Variants in GAS2 observed in about 807,000 individuals in gnomAD.
GAS2 encodes growth arrest-specific protein 2.
GAS2 carries 20 observed loss-of-function variants against 37.5 expected under a neutral mutation model. The observed-to-expected ratio is 0.53, with a 90% CI of 0.37 to 0.77. GAS2 has a LOEUF of 0.77. Among genes scored for constraint, GAS2 ranks in the 30% least tolerant of loss-of-function variants. GAS2 has a pLI of 0.00. For synonymous variants in GAS2, 144 were observed against 132.2 expected (o/e 1.09, Z -0.61); for missense variants, 336 against 373.4 (o/e 0.90, Z 0.82).
At position 22,796,967 on chromosome 11, in the gene GAS2, C is replaced by T. The variant is rs1191190072; in HGVS notation, c.724-14831C>T. Reference sequence around the variant, plus strand: ...AATTCTAATTTCACTCTGGTATAGACCAGCTACAAATCCTTCCTCTGACAC... The same window carrying T: ...AATTCTAATTTCACTCTGGTATAGATCAGCTACAAATCCTTCCTCTGACAC... On this transcript the variant is annotated intron_variant, in intron 7 of 7. Transcript: ENST00000454584. Among the ~76,000 whole-genome samples, 3 of 152,174 alleles carry T rather than the reference C, an allele frequency of 2.0e-5. No individual in the cohort carries two copies. In the East Asian group the frequency reaches 5.8e-4, roughly 29 times the overall value.
At chr11:22,681,662 C>A (rs2133922437) in intron 2 of GAS2, among the ~76,000 whole-genome samples, 1 of 152,234 alleles carries the variant, frequency 6.6e-6, no homozygotes, top group South Asian at 2.1e-4. Context: ...GCTTCCAGTA[C>A]ATGTAGTCTG....
chr11:22,645,643 A>AAAATAAAT (rs1848681232), intron 1 of GAS2, among the ~76,000 whole-genome samples: 2 of 152,140 alleles, frequency 1.3e-5, no homozygotes, highest in African/African-American at 4.8e-5. Context: ...TTAAAATATT[A>AAAATAAAT]CAAAATTAGG....
At chr11:22,811,265 C>T (rs980932296) in intron 7 of GAS2, among the ~76,000 whole-genome samples, 3 of 152,168 alleles carry the variant, frequency 2.0e-5, no homozygotes, top group Non-Finnish European at 2.9e-5. Flanking sequence ...TTCAAAAACA[C>T]CTTGCCTTCA....
At chr11:22,676,698 CTT>C (rs1849443474) in intron 2 of GAS2, among the ~76,000 whole-genome samples, 1 of 151,998 alleles carries the variant, frequency 6.6e-6, no homozygotes, top group African/African-American at 2.4e-5. Flanking sequence ...TTCAGTGAAA[CTT>C]AATTTGATTT....
chr11:22,645,046 CATT>C (rs1267139491), intron 1 of GAS2, among the ~76,000 whole-genome samples: 19 of 152,146 alleles, frequency 1.2e-4, no homozygotes, highest in African/African-American at 4.1e-4. Context: ...GGAGCAATAT[CATT>C]GTTACCAGGA....
intron 3 of GAS2, among the ~76,000 whole-genome samples, chr11:22,716,576 G>T (rs568081620): frequency 2.0e-5 from 3 of 151,576 alleles, no homozygotes; most frequent in Admixed American, 2.0e-4. Context: ...GGAGGAGGAG[G>T]TTGCAGTGAG....
chr11:22,808,146 T>A (rs1169683269), intron 7 of GAS2, among the ~76,000 whole-genome samples: 1 of 152,122 alleles, frequency 6.6e-6, no homozygotes, highest in African/African-American at 2.4e-5. Flanking sequence ...AATATATCCC[T>A]CCGCCTCACA....
intron 7 of GAS2, among the ~76,000 whole-genome samples, chr11:22,771,105 G>A (rs78936328): frequency 0.13 from 19,320 of 151,156 alleles, 1,579 homozygotes; most frequent in Middle Eastern, 0.2. Flanking sequence ...TTTTTTTCAT[G>A]AGGTACTAAA....
chr11:22,801,430 TG>T (rs2134642747), intron 7 of GAS2, among the ~76,000 whole-genome samples: 1 of 148,900 alleles, frequency 6.7e-6, no homozygotes, highest in East Asian at 2.1e-4. Flanking sequence ...GAAACTTGAT[TG>T]GGGTGGGGGC....
At chr11:22,712,770 T>A (rs1257882032) in intron 3 of GAS2, among the ~76,000 whole-genome samples, 1 of 151,944 alleles carries the variant, frequency 6.6e-6, no homozygotes, top group Non-Finnish European at 1.5e-5. Flanking sequence ...CAGAGAAGGA[T>A]GAAAACTAAC....
chr11:22,667,955 C>T (rs1849049285), intron 1 of GAS2, among the ~76,000 whole-genome samples: 1 of 152,134 alleles, frequency 6.6e-6, no homozygotes, highest in Admixed American at 6.5e-5. Flanking sequence ...AAGGTTAGAT[C>T]AGTTGTGTAT....
At chr11:22,700,763 A>T (rs1850798884) in intron 3 of GAS2, among the ~76,000 whole-genome samples, 1 of 152,208 alleles carries the variant, frequency 6.6e-6, no homozygotes, top group Non-Finnish European at 1.5e-5. Context: ...AGTATAAAAT[A>T]AGCATCAGAT....
intron 4 of GAS2, among the ~76,000 whole-genome samples, chr11:22,727,207 A>G (rs1481495352): frequency 2.0e-5 from 3 of 152,114 alleles, no homozygotes; most frequent in Non-Finnish European, 2.9e-5. Flanking sequence ...TATGTAAAAT[A>G]TTAGAACTAA....
chr11:22,686,685 G>A (rs1354843220), intron 3 of GAS2, among the ~76,000 whole-genome samples: 1 of 151,408 alleles, frequency 6.6e-6, no homozygotes, highest in African/African-American at 2.4e-5. Context: ...AGGAAGTAAA[G>A]GTTGCGGTGA....
intron 7 of GAS2, among the ~76,000 whole-genome samples, chr11:22,803,783 C>T (rs1856767856): frequency 1.3e-5 from 2 of 152,124 alleles, no homozygotes; most frequent in East Asian, 3.9e-4. Flanking sequence ...CATCATCCCT[C>T]TCTTCAGAGA....
Position 22,726,348 on chromosome 11 carries a change from T to G in GAS2, c.324T>G (p.Phe108Leu), listed in dbSNP as rs1455331890. The G allele has an allele frequency of 2.5e-6, 4 of 1,612,832 alleles. No individual in the cohort carries two copies. The highest frequency in any genetic ancestry group is 3.3e-5 in the Admixed American group (2 of 59,758). Residue 108 changes from phenylalanine (F) to leucine (L), a missense_variant, in exon 4 of 8, where the codon TTT (phenylalanine) becomes TTG (leucine). By Grantham distance (22) the Phe-to-Leu change is conservative. Transcript: ENST00000454584. The part of the protein sequence containing the change: ...CKTSAPSGSF[F>L]ARDNTANFLS... Reference sequence around the variant, plus strand: ...CCAGTGCACCCTCGGGCTCCTTTTTTGCCAGAGACAATACAGCAAATTTCT... The same window carrying G: ...CCAGTGCACCCTCGGGCTCCTTTTTGGCCAGAGACAATACAGCAAATTTCT...
At chr11:22,679,630 T>C (rs1398776261) in intron 2 of GAS2, among the ~76,000 whole-genome samples, 1 of 152,110 alleles carries the variant, frequency 6.6e-6, no homozygotes, top group East Asian at 1.9e-4. Flanking sequence ...ATTGTCTATT[T>C]CACATGTATT....
intron 7 of GAS2, among the ~76,000 whole-genome samples, chr11:22,789,845 T>C (rs936310736): frequency 6.6e-6 from 1 of 152,102 alleles, no homozygotes; most frequent in African/African-American, 2.4e-5. Flanking sequence ...TATACGGATA[T>C]ATATTTTACT....
intron 1 of GAS2, among the ~76,000 whole-genome samples, chr11:22,630,146 C>T (rs1410017629): frequency 6.6e-6 from 1 of 152,094 alleles, no homozygotes; most frequent in Non-Finnish European, 1.5e-5. Context: ...GTGCTGCACC[C>T]ATTAACTCAT....
Sources: allele counts gnomAD v4.1 joint callset (sites outside exome capture counted in the v4.1 genomes callset), GRCh38; gene constraint gnomAD v4.1.1; transcripts MANE v1.5; gene names NCBI Gene and HGNC (gene_info 2026-07-23, HGNC 2026-07-21).